Variants in PKIG observed in about 807,000 individuals in gnomAD.
The protein encoded by PKIG is cAMP-dependent protein kinase inhibitor gamma.
Under a neutral mutation model 6.8 loss-of-function variants are expected in PKIG, and 1 was observed. That is an observed-to-expected ratio of 0.15 (90% CI 0.05 to 0.69). PKIG has a LOEUF of 0.69. Ranked by LOEUF, PKIG falls within the 30% of genes least tolerant of loss-of-function variation. PKIG has a pLI of 0.82. For missense variants in PKIG, 77 were observed against 104.0 expected (o/e 0.74, Z 1.13); for synonymous variants, 39 against 43.0 (o/e 0.91, Z 0.36).
At chr20:44,576,917 C>T (rs948826778) in intron 1 of PKIG, among the ~76,000 whole-genome samples, 2 of 152,080 alleles carry the variant, frequency 1.3e-5, no homozygotes, top group African/African-American at 4.8e-5. Flanking sequence ...CTCCTTCAGA[C>T]ACACCAAATC....
chr20:44,618,386 C>T lies in PKIG; in HGVS notation c.*22C>T, dbSNP rs1283950252. The T allele has an allele frequency of 3.2e-6, 5 of 1,542,904 alleles. No homozygotes were observed. The highest frequency in any genetic ancestry group is 2.7e-5 in the African/African-American group (2 of 73,556). On this transcript the variant is annotated 3_prime_UTR_variant, in exon 4 of 4. Transcript: ENST00000372886. ...TTGAATCTGACCTTGTCCAAGAAGG[C>T]TGGACGAGAGACCTTCTGTCCCCTC...
At chr20:44,573,988 C>G (rs1401366887) in intron 1 of PKIG, among the ~76,000 whole-genome samples, 1 of 152,166 alleles carries the variant, frequency 6.6e-6, no homozygotes, top group Non-Finnish European at 1.5e-5. Flanking sequence ...TTTAAAAAGT[C>G]TCTGAGTCTA....
chr20:44,563,127 T>C (rs1255287040), intron 1 of PKIG, among the ~76,000 whole-genome samples: 1 of 152,238 alleles, frequency 6.6e-6, no homozygotes, highest in East Asian at 1.9e-4. Flanking sequence ...ACTAGGAGTC[T>C]ACCAAGCACT....
upstream of PKIG, among the ~76,000 whole-genome samples, chr20:44,581,526 G>A (rs976085013): frequency 6.6e-6 from 1 of 152,174 alleles, no homozygotes; most frequent in Non-Finnish European, 1.5e-5. Flanking sequence ...AAAGTAGAGA[G>A]ATGTTCTTTG....
rs1018956509 is a variant in PKIG, at chr20:44,618,601, A to G, written c.*237A>G. ...CCGTGCCCAGGTACACTTTCAAGAC[A>G]CTGTAACCACAAGATGTTATTTATT... On this transcript the variant is annotated 3_prime_UTR_variant, in exon 4 of 4. Coordinates refer to ENST00000372886, the MANE Select transcript of PKIG (RefSeq NM_001281445.2). The G allele has an allele frequency of 2.2e-6, 1 of 456,956 alleles. No individual in the cohort carries two copies. The highest frequency in any genetic ancestry group is 3.5e-5 in the Admixed American group (1 of 28,622). The allele number at this position is 456,956 out of a possible 1,614,324, so 28.3% of individuals were successfully genotyped here.
At chr20:44,546,741 CG>C (rs2064618394) in intron 1 of PKIG, among the ~76,000 whole-genome samples, 1 of 150,592 alleles carries the variant, frequency 6.6e-6, no homozygotes, top group African/African-American at 2.4e-5. Flanking sequence ...TTAGTAGAAA[CG>C]GGGTTTCACC....
intron 1 of PKIG, among the ~76,000 whole-genome samples, chr20:44,547,858 T>A (rs146465092): frequency 0.022 from 3,329 of 152,170 alleles, 179 homozygotes; most frequent in Admixed American, 0.14. Flanking sequence ...AACATGGTGT[T>A]GGTTTTAATG....
intron 1 of PKIG, among the ~76,000 whole-genome samples, chr20:44,545,080 C>G (rs572972913): frequency 2.6e-5 from 4 of 151,676 alleles, no homozygotes; most frequent in Non-Finnish European, 5.9e-5. Context: ...GGATTACAGG[C>G]GTGCCCCACC....
At chr20:44,574,850 G>A (rs1461653982) in intron 1 of PKIG, among the ~76,000 whole-genome samples, 2 of 152,136 alleles carry the variant, frequency 1.3e-5, no homozygotes, top group Non-Finnish European at 2.9e-5. Flanking sequence ...GATTACAGGC[G>A]TGAGCTACCG....
At chr20:44,562,661 C>T (rs1042134982) in intron 1 of PKIG, among the ~76,000 whole-genome samples, 2 of 144,830 alleles carry the variant, frequency 1.4e-5, no homozygotes, top group African/African-American at 5.1e-5. Flanking sequence ...AGATAGTATA[C>T]TCATTAACAA....
At chr20:44,539,774 T>C (rs1418732482) in intron 1 of PKIG, among the ~76,000 whole-genome samples, 2 of 152,150 alleles carry the variant, frequency 1.3e-5, no homozygotes, top group Non-Finnish European at 2.9e-5. Flanking sequence ...TGTGATTTTT[T>C]TTCTTCTTCC....
At chr20:44,577,353 C>T (rs536216356) in intron 1 of PKIG, among the ~76,000 whole-genome samples, 7 of 152,034 alleles carry the variant, frequency 4.6e-5, no homozygotes, top group Admixed American at 3.9e-4. Context: ...AGGCTGGTCT[C>T]GAACTCCTGA....
intron 2 of PKIG, among the ~76,000 whole-genome samples, chr20:44,599,456 GC>G (rs1306667400): frequency 3.3e-5 from 5 of 152,226 alleles, no homozygotes; most frequent in Non-Finnish European, 7.3e-5. Context: ...AGGCACCGTG[GC>G]TCAAGCCTGC....
At chr20:44,608,695 G>A (rs1358010145) in intron 2 of PKIG, among the ~76,000 whole-genome samples, 1 of 151,660 alleles carries the variant, frequency 6.6e-6, no homozygotes, top group African/African-American at 2.4e-5. Flanking sequence ...AGCTACTCAG[G>A]AGGCTGAGGC....
At chr20:44,579,930 C>T (rs1455571087), upstream of PKIG, among the ~76,000 whole-genome samples, 1 of 152,190 alleles carries the variant, frequency 6.6e-6, no homozygotes, top group Non-Finnish European at 1.5e-5. Context: ...AACAATAGCC[C>T]TGACCTCCAG....
chr20:44,615,809 ACC>A (rs1192456203), intron 3 of PKIG, among the ~76,000 whole-genome samples: 21 of 152,148 alleles, frequency 1.4e-4, no homozygotes, highest in African/African-American at 5.1e-4. Context: ...CGGGGCTTGG[ACC>A]CAGCCCTCTC....
chr20:44,560,697 A>G (rs1202067483), intron 1 of PKIG, among the ~76,000 whole-genome samples: 3 of 152,238 alleles, frequency 2.0e-5, no homozygotes, highest in Non-Finnish European at 4.4e-5. Flanking sequence ...AACCCTCACA[A>G]TAGCCTTGCC....
chr20:44,606,764 A>T (rs1489624438), intron 2 of PKIG, among the ~76,000 whole-genome samples: 1 of 152,218 alleles, frequency 6.6e-6, no homozygotes, highest in African/African-American at 2.4e-5. Context: ...AGCCGAGACC[A>T]TGCCACTGCA....
In PKIG at chr20:44,618,903, G is replaced by C. The variant is rs577911305; in HGVS notation, c.*539G>C. 4.6e-4 allele frequency: 73 copies of C among 157,464 alleles called. No homozygotes were observed. In the Middle Eastern group the frequency reaches 0.01, roughly 22 times the overall value. The allele number at this position is 157,464 out of a possible 1,614,324, so 9.8% of individuals were successfully genotyped here. ...CTAAACTGTCATTGTGCATCTCTGA[G>C]GTTCCCTCATGGAGCTCCACAGATC... is the stretch of plus-strand genomic sequence containing the variant. On this transcript the variant is annotated 3_prime_UTR_variant, in exon 4 of 4. Transcript: ENST00000372886.
Sources: gnomAD v4.1 joint callset for allele counts (sites outside exome capture counted in the v4.1 genomes callset) on GRCh38, gnomAD v4.1.1 for gene constraint, MANE v1.5 for transcripts, NCBI Gene and HGNC (gene_info 2026-07-23, HGNC 2026-07-21) for gene names.